TENM2: variants seen among roughly 807,000 people sequenced by gnomAD.
The protein encoded by TENM2 is teneurin transmembrane protein 2, also known as teneurin-2.
Under a neutral mutation model 245.2 loss-of-function variants are expected in TENM2, and 52 were observed. That is an observed-to-expected ratio of 0.21 (90% CI 0.17 to 0.27). The LOEUF is 0.27. TENM2 is among the 10% of genes least tolerant of loss of function. TENM2 has a pLI of 1.00. For synonymous variants in TENM2, 1,363 were observed against 1,438.9 expected, an observed-to-expected ratio of 0.95 and a Z score of 1.19; for missense variants, 3,046 against 3,666.8, an observed-to-expected ratio of 0.83 and a Z score of 4.37.
At chr5:167,780,104 A>G (rs539966215) in intron 2 of TENM2, among the ~76,000 whole-genome samples, 142 of 152,332 alleles carry the variant, frequency 9.3e-4, no homozygotes, top group African/African-American at 3.3e-3. Flanking sequence ...CTTGGCATTA[A>G]GAAGCACTGA....
the TENM2 span, among the ~76,000 whole-genome samples, chr5:167,199,351 T>C: frequency 6.6e-6 from 1 of 152,086 alleles, no homozygotes; most frequent in Non-Finnish European, 1.5e-5. Context: ...TTATACCTTC[T>C]TGTAACTGGC....
chr5:168,126,707 G>A (rs1454337659), intron 11 of TENM2, 47 bp from the exon 14 acceptor site: 6 of 1,522,780 alleles, frequency 3.9e-6, no homozygotes, highest in Non-Finnish European at 3.6e-6. Context: ...TCCATGGAAG[G>A]TTTCACCAGC....
At chr5:167,085,746 A>T in the TENM2 span, among the ~76,000 whole-genome samples, 1 of 152,156 alleles carries the variant, frequency 6.6e-6, no homozygotes, top group Admixed American at 6.5e-5. Context: ...TAGGATGCAA[A>T]CCCAGGCTGA....
At chr5:167,290,215 G>A (rs1442450697) in intron 1 of TENM2, among the ~76,000 whole-genome samples, 2 of 152,182 alleles carry the variant, frequency 1.3e-5, no homozygotes, top group African/African-American at 2.4e-5. Context: ...TGTGAAAAGA[G>A]TAATGAATGA....
At chr5:167,815,606 G>T (rs965069289) in intron 2 of TENM2, among the ~76,000 whole-genome samples, 2 of 152,198 alleles carry the variant, frequency 1.3e-5, no homozygotes, top group African/African-American at 2.4e-5. Flanking sequence ...CTATAGTTTT[G>T]GTTCTATCCA....
intron 3 of TENM2, among the ~76,000 whole-genome samples, chr5:167,929,071 A>AAGAG (rs1178438167): frequency 2.8e-5 from 1 of 35,286 alleles, no homozygotes; most frequent in African/African-American, 1.5e-4. Flanking sequence ...GAAAGAAAGA[A>AAGAG]AGAAAGAAAG....
chr5:167,260,943 G>A, the TENM2 span, among the ~76,000 whole-genome samples: 1 of 152,124 alleles, frequency 6.6e-6, no homozygotes, highest in Non-Finnish European at 1.5e-5. Flanking sequence ...ACATGAACTA[G>A]GTCTTTAAAT....
chr5:167,822,414 T>G (rs529112760), intron 2 of TENM2, among the ~76,000 whole-genome samples: 1 of 152,318 alleles, frequency 6.6e-6, no homozygotes, highest in African/African-American at 2.4e-5. Flanking sequence ...AACTTAGTTT[T>G]TATAACCTAA....
intron 2 of TENM2, among the ~76,000 whole-genome samples, chr5:167,423,308 AC>A (rs954847695): frequency 7.9e-5 from 12 of 152,182 alleles, no homozygotes; most frequent in South Asian, 2.1e-4. Context: ...GGGCTTTGCC[AC>A]GCCATGTTTG....
At chr5:167,464,763 A>G (rs1045473887) in intron 2 of TENM2, among the ~76,000 whole-genome samples, 14 of 152,218 alleles carry the variant, frequency 9.2e-5, no homozygotes, top group African/African-American at 2.9e-4. Flanking sequence ...GTAAATTTCT[A>G]TTGTAGGAAA....
At chr5:166,994,579 T>C in the TENM2 span, among the ~76,000 whole-genome samples, 5 of 152,208 alleles carry the variant, frequency 3.3e-5, no homozygotes, top group Admixed American at 2.0e-4. Flanking sequence ...AGTGTCCCTT[T>C]TTAGATATGC....
the TENM2 span, among the ~76,000 whole-genome samples, chr5:167,158,934 C>CT: frequency 6.9e-5 from 10 of 145,890 alleles, no homozygotes; most frequent in African/African-American, 2.6e-4. Flanking sequence ...CTCTCTCTCT[C>CT]CTTCTTTCTT....
At chr5:168,021,436 C>T (rs1164975019) in intron 5 of TENM2, among the ~76,000 whole-genome samples, 1 of 152,210 alleles carries the variant, frequency 6.6e-6, no homozygotes, top group African/African-American at 2.4e-5. Context: ...AGGCATCCAC[C>T]CAGCTCCCCG....
At chr5:167,167,386 C>A in the TENM2 span, among the ~76,000 whole-genome samples, 1 of 152,180 alleles carries the variant, frequency 6.6e-6, no homozygotes, top group Non-Finnish European at 1.5e-5. Flanking sequence ...ATTGCTGAAT[C>A]AAGTTCAAAC....
chr5:167,975,668 A>T (rs1482404140), intron 4 of TENM2, among the ~76,000 whole-genome samples: 1 of 152,172 alleles, frequency 6.6e-6, no homozygotes, highest in African/African-American at 2.4e-5. Context: ...GAAGAGTTCT[A>T]AATAAGAAGA....
chr5:168,232,593 T>A (rs1489139361), intron 25 of TENM2, among the ~76,000 whole-genome samples: 1 of 152,212 alleles, frequency 6.6e-6, no homozygotes, highest in Non-Finnish European at 1.5e-5. Flanking sequence ...TCCCCGGGAC[T>A]GGCAAGCTCC....
chr5:167,106,935 A>G, the TENM2 span, among the ~76,000 whole-genome samples: 1 of 152,220 alleles, frequency 6.6e-6, no homozygotes, highest in Non-Finnish European at 1.5e-5. Context: ...AAACAAAAAG[A>G]AAAAGAAGAA....
chr5:167,668,398 T>C (rs1459068), intron 2 of TENM2, among the ~76,000 whole-genome samples: 2,182 of 152,284 alleles, frequency 0.014, 47 homozygotes, highest in African/African-American at 0.05. Context: ...GAACTAATGA[T>C]TATGGAGTTT....
At chr5:167,779,869 G>A (rs984230188) in intron 2 of TENM2, among the ~76,000 whole-genome samples, 1 of 152,176 alleles carries the variant, frequency 6.6e-6, no homozygotes, top group African/African-American at 2.4e-5. Flanking sequence ...CTGGAGCTGG[G>A]TAGTGGGGAG....
Sources: allele counts gnomAD v4.1 joint callset (sites outside exome capture counted in the v4.1 genomes callset), GRCh38; gene constraint gnomAD v4.1.1; transcripts MANE v1.5; gene names NCBI Gene and HGNC (gene_info 2026-07-23, HGNC 2026-07-21).